LINGO2: variants seen among roughly 807,000 people sequenced by gnomAD.
LINGO2 encodes the protein leucine-rich repeat and immunoglobulin-like domain-containing nogo receptor-interacting protein 2.
In LINGO2, 14 loss-of-function variants were observed where a neutral mutation model predicts 30.6. The ratio of observed to expected loss-of-function variants is 0.46; its 90% CI spans 0.30 to 0.72. The LOEUF is 0.72. Among genes scored for constraint, LINGO2 ranks in the 30% least tolerant of loss-of-function variants. LINGO2 has a pLI of 0.07. For missense variants in LINGO2, 729 were observed against 751.7 expected (o/e 0.97, Z 0.35); for synonymous variants, 317 against 288.5 (o/e 1.10, Z -1.00).
intron 1 of LINGO2, among the ~76,000 whole-genome samples, chr9:28,547,100 A>G (rs900278811): frequency 6.6e-5 from 10 of 152,080 alleles, no homozygotes; most frequent in African/African-American, 2.4e-4. Flanking sequence ...GACACTAAAC[A>G]TGTCTCCATT....
chr9:28,809,077 T>C, the LINGO2 span, among the ~76,000 whole-genome samples: 1 of 152,224 alleles, frequency 6.6e-6, no homozygotes, highest in East Asian at 1.9e-4. Flanking sequence ...TAAACACATC[T>C]GGCAAGTAGA....
chr9:28,687,749 ATTTT>A, the LINGO2 span, among the ~76,000 whole-genome samples: 2 of 151,574 alleles, frequency 1.3e-5, no homozygotes, highest in Non-Finnish European at 2.9e-5. Flanking sequence ...AATTATGGTG[ATTTT>A]TTTTTGTTTA....
At chr9:28,629,828 A>G (rs1239288276) in intron 1 of LINGO2, among the ~76,000 whole-genome samples, 2 of 152,064 alleles carry the variant, frequency 1.3e-5, no homozygotes, top group African/African-American at 4.8e-5. Flanking sequence ...AAGTATGAAA[A>G]AATGCATGAG....
At chr9:28,461,160 A>G (rs1316469405) in intron 2 of LINGO2, among the ~76,000 whole-genome samples, 1 of 152,204 alleles carries the variant, frequency 6.6e-6, no homozygotes, top group East Asian at 1.9e-4. Flanking sequence ...AGAAGATAGT[A>G]CTGGAAATTG....
At position 28,141,501 on chromosome 9, in the gene LINGO2, T is replaced by A. The variant is rs200635852; in HGVS notation, c.-86-129096A>T. Among the ~76,000 whole-genome samples, 10 of 152,352 alleles carry A rather than the reference T, an allele frequency of 6.6e-5. No individual in the cohort carries two copies. The East Asian group carries it at 1.9e-3, about 29-fold the overall frequency. On this transcript the variant is annotated intron_variant, in intron 4 of 5. Coordinates refer to ENST00000379992, the Ensembl canonical transcript of LINGO2. ...ACCTCATTGCTTATACCCAATAATT[T>A]AAGGGATTCAAGAATCATCTTGTAT...
chr9:28,264,836 T>C (rs933142851), intron 4 of LINGO2, among the ~76,000 whole-genome samples: 17 of 151,966 alleles, frequency 1.1e-4, no homozygotes, highest in African/African-American at 3.4e-4. Flanking sequence ...GTATTTTACA[T>C]ATGTGGTTAA....
chr9:28,590,788 C>T (rs1587922805), intron 1 of LINGO2, among the ~76,000 whole-genome samples: 2 of 152,208 alleles, frequency 1.3e-5, no homozygotes, highest in African/African-American at 4.8e-5. Context: ...TACCATTTGA[C>T]CCAGCCATCC....
intron 1 of LINGO2, among the ~76,000 whole-genome samples, chr9:28,640,333 C>T (rs1169409514): frequency 2.6e-5 from 4 of 151,900 alleles, no homozygotes; most frequent in Non-Finnish European, 5.9e-5. Context: ...ATCTTTGTGG[C>T]GTTCTTTGTA....
the LINGO2 span, among the ~76,000 whole-genome samples, chr9:28,843,410 G>C: frequency 6.6e-6 from 1 of 151,674 alleles, no homozygotes; most frequent in African/African-American, 2.4e-5. Flanking sequence ...CTTGTATAGA[G>C]GCTTTAATAA....
At chr9:28,086,823 G>A (rs1482509402) in intron 4 of LINGO2, among the ~76,000 whole-genome samples, 1 of 151,948 alleles carries the variant, frequency 6.6e-6, no homozygotes, top group Non-Finnish European at 1.5e-5. Flanking sequence ...TAATTTTATT[G>A]ACATTTCCTT....
chr9:28,440,373 G>A (rs1015807931), intron 2 of LINGO2, among the ~76,000 whole-genome samples: 1 of 152,158 alleles, frequency 6.6e-6, no homozygotes, highest in South Asian at 2.1e-4. Context: ...GCAGACACAA[G>A]ACATTTATAA....
At position 28,148,992 on chromosome 9, in the gene LINGO2, C is replaced by A; in HGVS notation, c.-86-136587G>T. The A allele has an allele frequency of 6.5e-7, 1 of 1,534,280 alleles. No homozygotes were observed. Among genetic ancestry groups the A allele is most frequent in the Non-Finnish European group, 8.7e-7 (1 of 1,146,796 alleles). ...TCGGGGCCACCGCTGCAGCTGCAAC[C>A]GACCCCTCCCCTGCAACTGAGGTGG... On this transcript the variant is annotated intron_variant, in intron 4 of 5. Coordinates refer to ENST00000379992, the Ensembl canonical transcript of LINGO2. The surrounding 1 kb of genome is among the most constrained non-coding windows in gnomAD (Gnocchi z 5.1).
At chr9:28,344,357 T>C (rs188690337) in intron 3 of LINGO2, among the ~76,000 whole-genome samples, 2 of 152,242 alleles carry the variant, frequency 1.3e-5, no homozygotes. Context: ...GCAGGAGAGA[T>C]ACCTAAAATA....
the LINGO2 span, among the ~76,000 whole-genome samples, chr9:28,928,202 G>A: frequency 1.1e-4 from 17 of 152,094 alleles, no homozygotes; most frequent in African/African-American, 3.9e-4. Flanking sequence ...CTTTACTGAA[G>A]CCTTTTTATA....
intron 3 of LINGO2, among the ~76,000 whole-genome samples, chr9:28,321,422 G>C (rs909838633): frequency 1.3e-5 from 2 of 152,124 alleles, no homozygotes; most frequent in East Asian, 1.9e-4. Context: ...AAATTCAAAA[G>C]TTAGGAAACC....
intron 4 of LINGO2, among the ~76,000 whole-genome samples, chr9:28,035,072 C>CA (rs1823866472): frequency 6.6e-6 from 1 of 152,208 alleles, no homozygotes; most frequent in Non-Finnish European, 1.5e-5. Flanking sequence ...TTTGGATATT[C>CA]AAATACTTTC....
the LINGO2 span, among the ~76,000 whole-genome samples, chr9:28,951,581 C>T: frequency 2.6e-5 from 4 of 152,062 alleles, no homozygotes; most frequent in Non-Finnish European, 4.4e-5. Context: ...GCTCGTATCC[C>T]ATCCTGAGAG....
intron 1 of LINGO2, among the ~76,000 whole-genome samples, chr9:28,664,993 TTACATATATATATA>T (rs1271703204): frequency 1.8e-5 from 1 of 57,096 alleles, no homozygotes; most frequent in African/African-American, 4.9e-5. Context: ...ATGTATGTGT[TTACATATATATATA>T]TATATATATA....
chr9:28,409,830 A>C (rs969332584), intron 2 of LINGO2, among the ~76,000 whole-genome samples: 1 of 150,570 alleles, frequency 6.6e-6, no homozygotes, highest in Admixed American at 6.7e-5. Flanking sequence ...TCTTTAAACT[A>C]ATCAAACTGA....
Sources: allele counts gnomAD v4.1 joint callset (sites outside exome capture counted in the v4.1 genomes callset), GRCh38; gene constraint gnomAD v4.1.1; non-coding constraint Gnocchi (gnomAD v3.1); transcripts MANE v1.5; gene names NCBI Gene and HGNC (gene_info 2026-07-23, HGNC 2026-07-21).